The following RNF123 variants were observed in gnomAD, a reference collection of about 807,000 sequenced individuals.
The protein encoded by RNF123 is E3 ubiquitin-protein ligase RNF123.
Under a neutral mutation model 168.5 loss-of-function variants are expected in RNF123, and 86 were observed. The observed-to-expected ratio is 0.51, with a 90% confidence interval of 0.43 to 0.61. The LOEUF (loss-of-function observed/expected upper bound fraction) is 0.61, where lower values mean the gene tolerates loss of function less well. Ranked by LOEUF, RNF123 falls within the 20% of genes least tolerant of loss-of-function variation. The pLI, the probability that RNF123 is intolerant of heterozygous loss-of-function variation, is 0.00. For missense variants in RNF123, 1,419 were observed against 1,729.7 expected (o/e 0.82, Z 3.19); for synonymous variants, 666 against 689.1 (o/e 0.97, Z 0.52).
chr3:49,713,471 C>G (rs749566682), intron 27 of RNF123, 42 bp from the exon 28 acceptor site: 1 of 1,552,758 alleles, frequency 6.4e-7, no homozygotes, highest in South Asian at 1.2e-5. Flanking sequence ...GCCTCTGGAG[C>G]CCCCACTCCC....
intron 35 of RNF123, chr3:49,718,391 G>A: frequency 6.2e-7 from 1 of 1,613,298 alleles, no homozygotes; most frequent in Non-Finnish European, 8.5e-7. Flanking sequence ...TTGTGGTGCA[G>A]GCGGGGCCCA....
At chr3:49,719,302 A>G in intron 35 of RNF123, 1 of 1,613,138 alleles carries the variant, frequency 6.2e-7, no homozygotes. Context: ...CTCGGCTGGC[A>G]CGTCCTGCAG....
At position 49,715,621 on chromosome 3, in the gene RNF123, A is replaced by G; in HGVS notation, c.3057A>G (p.Leu1019=). 2 of 1,614,106 alleles carry G rather than the reference A, an allele frequency of 1.2e-6. No individual in the cohort carries two copies. The highest frequency in any genetic ancestry group is 1.7e-6 in the Non-Finnish European group (2 of 1,180,016). Residue 1019 remains leucine, a synonymous_variant, in exon 32 of 39, where the codon CTA becomes CTG. Coordinates refer to ENST00000327697, the MANE Select transcript of RNF123 (RefSeq NM_022064.5). ...TGCAGCAGCACATGGCGGACCTCCT[A>G]CAGCAGGGTCCTGATGTGGCACCCA... ...TLLQQHMADL[L]QQGPDVAPSF... is the part of the protein sequence containing the mutation.
intron 27 of RNF123, chr3:49,713,018 G>C: frequency 1.5e-6 from 1 of 681,414 alleles, no homozygotes; most frequent in Non-Finnish European, 2.7e-6. Context: ...AGTTGGTCAG[G>C]GGCAGAATGG....
chr3:49,713,324 G>A, intron 27 of RNF123, 189 bp from the exon 28 acceptor site: 1 of 617,062 alleles, frequency 1.6e-6, no homozygotes. Flanking sequence ...TTCACAGTGA[G>A]CCTGTGCCTT....
rs1474413664 is a variant in RNF123, at chr3:49,707,168, A to G, written c.2496+270A>G. Among the ~76,000 whole-genome samples the G allele has an allele frequency of 2.9e-5, 3 of 102,740 alleles. No individual in the cohort carries two copies. The Admixed American group carries it at 3.3e-4, about 11-fold the overall frequency. 67.4% of individuals were successfully genotyped at this position (102,740 alleles called of 152,430 possible). On this transcript the variant is annotated intron_variant, in intron 26 of 38. Coordinates refer to ENST00000327697, the MANE Select transcript of RNF123 (RefSeq NM_022064.5). ...CTGTCTGTCTGCCTCCCCTGCTCCC[A>G]CCCCCTCCCAGTTTCTTGGCCCCCG...
At chr3:49,704,429 G>A (rs909531285) in intron 21 of RNF123, among the ~76,000 whole-genome samples, 1 of 152,148 alleles carries the variant, frequency 6.6e-6, no homozygotes, top group Non-Finnish European at 1.5e-5. Context: ...GGGTGTGATG[G>A]GGAAGGCCTC....
At chr3:49,703,394 G>T in intron 20 of RNF123, 33 bp from the exon 21 acceptor site, 1 of 1,569,820 alleles carries the variant, frequency 6.4e-7, no homozygotes, top group South Asian at 1.1e-5. Context: ...ACTGGGCCGT[G>T]ACCACTGGCC....
At chr3:49,694,589 A>AAGT (rs2054231089) in intron 3 of RNF123, among the ~76,000 whole-genome samples, 1 of 152,352 alleles carries the variant, frequency 6.6e-6, no homozygotes, top group South Asian at 2.1e-4. Flanking sequence ...TCAAAGGATC[A>AAGT]AGTAGGTTCT....
chr3:49,715,485 A>G, intron 31 of RNF123, 90 bp from the exon 32 acceptor site: 1 of 1,509,640 alleles, frequency 6.6e-7, no homozygotes, highest in South Asian at 1.2e-5. Flanking sequence ...CTGTCCTTAT[A>G]CCAAAGCCTC....
rs767112222 is a variant in RNF123 at position 49,699,467 on chromosome 3, C to G, written c.765-1C>G. 6 of 1,596,972 alleles carry G rather than the reference C, an allele frequency of 3.8e-6. No individual in the cohort carries two copies. The highest frequency in any genetic ancestry group is 5.1e-6 in the Non-Finnish European group (6 of 1,171,512). On this transcript the variant is annotated splice_acceptor_variant, in intron 10 of 38. Coordinates refer to ENST00000327697, the MANE Select transcript of RNF123 (RefSeq NM_022064.5). LOFTEE classifies it high-confidence loss of function. The surrounding 1 kb of genome is among the most constrained non-coding windows in gnomAD (Gnocchi z 4.8). ...AGGCGTTGCTGGCTTAACTCTGGCA[C>G]CTACCCAGTGGCAGGCTACCGGCCC...
intron 27 of RNF123, 71 bp from the exon 28 acceptor site, chr3:49,713,442 C>T (rs1310738924): frequency 6.8e-7 from 1 of 1,461,256 alleles, no homozygotes; most frequent in Non-Finnish European, 9.4e-7. Flanking sequence ...CCAAGTCCAC[C>T]CACCCTGCTG....
Position 49,699,856 on chromosome 3 carries a change from C to CACA in RNF123, c.984+84_984+85insACA. ...GTGGTAGATGTGCCCTCACTGAGGG[C>CACA]TGCAGTGCTGAGGTCCCACAGCATC... On this transcript the variant is annotated intron_variant, in intron 12 of 38. Coordinates refer to ENST00000327697, the MANE Select transcript of RNF123 (RefSeq NM_022064.5). This position sits in a 1 kb window ranked among gnomAD's most constrained non-coding sequence, Gnocchi z 4.8. The CACA allele has an allele frequency of 1.4e-6, 2 of 1,379,940 alleles. No individual in the cohort carries two copies. The highest frequency in any genetic ancestry group is 2.0e-6 in the Non-Finnish European group (2 of 984,524). The allele number at this position is 1,379,940 out of a possible 1,614,324, so 85.5% of individuals were successfully genotyped here. A position where few individuals can be genotyped will look rare whatever the true frequency, so the allele number is the denominator to read the frequency against.
chr3:49,709,105 CCA>C (rs1245344600), intron 26 of RNF123, among the ~76,000 whole-genome samples: 1 of 150,456 alleles, frequency 6.6e-6, no homozygotes, highest in African/African-American at 2.5e-5. Context: ...CAGGTGCGCA[CCA>C]CCATGCTCGG....
intron 20 of RNF123, 101 bp downstream of exon 20, chr3:49,702,854 T>C: frequency 1.3e-6 from 2 of 1,548,376 alleles, no homozygotes. Context: ...CTGTGGGCTG[T>C]GGGGAGTTGT....
chr3:49,718,950 G>C, intron 35 of RNF123: 1 of 1,613,810 alleles, frequency 6.2e-7, no homozygotes, highest in Non-Finnish European at 8.5e-7. Flanking sequence ...GGTCGAAGGA[G>C]AACGAGGCGA....
At chr3:49,720,766 T>A in intron 36 of RNF123, 34 bp from the exon 37 acceptor site, 1 of 1,613,360 alleles carries the variant, frequency 6.2e-7, no homozygotes, top group Non-Finnish European at 8.5e-7. Context: ...CATCCTCAGC[T>A]ACCTCTGACT....
chr3:49,719,078 C>G (rs35926560), intron 35 of RNF123: 2 of 1,613,782 alleles, frequency 1.2e-6, no homozygotes, highest in South Asian at 2.2e-5. Flanking sequence ...CCCAGCCCGT[C>G]GAGGTCGTGG....
Position 49,721,053 on chromosome 3 carries a change from T to C in RNF123, c.3772T>C (p.Tyr1258His), listed in dbSNP as rs1309241498. Residue 1258 changes from tyrosine (Y) to histidine (H), a missense_variant, in exon 38 of 39, where the codon TAT (tyrosine) becomes CAT (histidine). Tyr to His is a moderately conservative substitution (Grantham distance 83, BLOSUM62 2). Coordinates refer to ENST00000327697, the MANE Select transcript of RNF123 (RefSeq NM_022064.5). ...TSEEDLCPIC[Y>H]AHPISAVFQP... ...TGAGGAGGACCTCTGCCCCATCTGC[T>C]ATGCCCACCCCATCTCTGCTGTGTT... 2.5e-6 allele frequency: 4 copies of C among 1,613,624 alleles called. No homozygotes were observed. The highest frequency in any genetic ancestry group is 3.4e-6 in the Non-Finnish European group (4 of 1,179,808).
Sources: allele counts gnomAD v4.1 joint callset (sites outside exome capture counted in the v4.1 genomes callset), GRCh38; gene constraint gnomAD v4.1.1; non-coding constraint Gnocchi (gnomAD v3.1); transcripts MANE v1.5; gene names NCBI Gene and HGNC (gene_info 2026-07-23, HGNC 2026-07-21).